Variants in GNL3L observed in about 807,000 individuals in gnomAD.
GNL3L encodes G protein nucleolar 3 like.
GNL3L carries 4 observed loss-of-function variants against 42.9 expected under a neutral mutation model. The observed-to-expected ratio is 0.09, with a 90% confidence interval of 0.05 to 0.21. The LOEUF (loss-of-function observed/expected upper bound fraction) is 0.21. Ranked by LOEUF, GNL3L falls within the 10% of genes least tolerant of loss-of-function variation. GNL3L has a pLI of 1.00. For synonymous variants in GNL3L, 159 were observed against 176.3 expected (o/e 0.90, Z 0.78); for missense variants, 412 against 481.7 (o/e 0.86, Z 1.36).
chrX:54,570,925 TTC>T (rs1314316931), downstream of GNL3L, among the ~76,000 whole-genome samples: 1 of 111,757 alleles, frequency 8.9e-6, no homozygotes, highest in Non-Finnish European at 1.9e-5. Flanking sequence ...ATTTCTGGTA[TTC>T]TTCATTGCTC....
intron 16 of GNL3L, among the ~76,000 whole-genome samples, chrX:54,610,447 T>C (rs185437003): frequency 1.0e-3 from 116 of 111,618 alleles, no homozygotes; most frequent in Non-Finnish European, 1.4e-3. Context: ...GAGGGAATGC[T>C]TTCAACTTTT....
the GNL3L span, among the ~76,000 whole-genome samples, chrX:54,630,155 G>A: frequency 7.4e-5 from 8 of 107,707 alleles, no homozygotes; most frequent in South Asian, 4.2e-4. Flanking sequence ...TTCTTTTCTC[G>A]GTGAATCTCA....
At chrX:54,625,964 G>A (rs1454151295), downstream of GNL3L, among the ~76,000 whole-genome samples, 1 of 111,075 alleles carries the variant, frequency 9.0e-6, no homozygotes, top group African/African-American at 3.3e-5. Context: ...TATGATACAT[G>A]TATACAATGT....
intron 16 of GNL3L, among the ~76,000 whole-genome samples, chrX:54,593,758 ACGGCTTTTGCTCTATCC>A (rs1356709336): frequency 9.0e-6 from 1 of 110,712 alleles, no homozygotes; most frequent in African/African-American, 3.3e-5. Flanking sequence ...CCCTCTTAGC[ACGGCTTTTGCTCTATCC>A]CAAAGGTTTT....
chrX:54,552,622 G>C (rs1181650328), intron 13 of GNL3L, among the ~76,000 whole-genome samples, 194 bp downstream of exon 13: 2 of 111,911 alleles, frequency 1.8e-5, no homozygotes, highest in Non-Finnish European at 1.9e-5. Flanking sequence ...GGGCGGGTTG[G>C]GGGAGGGTGG....
At chrX:54,578,945 T>A (rs1925669792) in intron 16 of GNL3L, among the ~76,000 whole-genome samples, 1 of 112,359 alleles carries the variant, frequency 8.9e-6, no homozygotes, top group Non-Finnish European at 1.9e-5. Context: ...CTTATTGTGG[T>A]TTGAATATGC....
At chrX:54,576,485 T>G (rs746997817) in intron 16 of GNL3L, among the ~76,000 whole-genome samples, 1 of 111,474 alleles carries the variant, frequency 9.0e-6, no homozygotes, top group Non-Finnish European at 1.9e-5. Context: ...ATTTATATTT[T>G]ATTTTATTTT....
intron 16 of GNL3L, among the ~76,000 whole-genome samples, chrX:54,578,186 A>G (rs1182131369): frequency 8.9e-6 from 1 of 112,089 alleles, no homozygotes; most frequent in African/African-American, 3.2e-5. Context: ...CCATTTTGGC[A>G]TTTATCATTT....
chrX:54,552,967 C>CGATT (rs1924991106), intron 13 of GNL3L, among the ~76,000 whole-genome samples: 1 of 112,190 alleles, frequency 8.9e-6, no homozygotes, highest in Non-Finnish European at 1.9e-5. Context: ...TATAGACTGC[C>CGATT]TGGATTCAAA....
downstream of GNL3L, among the ~76,000 whole-genome samples, chrX:54,569,115 A>G (rs1925508643): frequency 8.9e-6 from 1 of 112,283 alleles, no homozygotes; most frequent in Non-Finnish European, 1.9e-5. Flanking sequence ...TATTCAGCCT[A>G]CTGCAGATGT....
chrX:54,634,478 T>G, the GNL3L span, among the ~76,000 whole-genome samples: 939 of 110,453 alleles, frequency 8.5e-3, 9 homozygotes, highest in African/African-American at 0.03. Context: ...ATTTGTATTT[T>G]TTTTTGTTTT....
intron 16 of GNL3L, among the ~76,000 whole-genome samples, chrX:54,575,305 C>T (rs929096872): frequency 8.9e-6 from 1 of 112,271 alleles, no homozygotes; most frequent in African/African-American, 3.2e-5. Context: ...TTCTTTTGTC[C>T]ATGGATTACA....
the GNL3L span, among the ~76,000 whole-genome samples, chrX:54,639,932 G>A: frequency 9.2e-6 from 1 of 109,043 alleles, no homozygotes; most frequent in Non-Finnish European, 1.9e-5. Context: ...GGAGAGGGAG[G>A]AGTCTTGGAC....
At chrX:54,623,888 A>T (rs1468342624), downstream of GNL3L, among the ~76,000 whole-genome samples, 1 of 108,001 alleles carries the variant, frequency 9.3e-6, no homozygotes, top group Non-Finnish European at 1.9e-5. Context: ...ATTTGTTTAT[A>T]TACTCTTGTA....
rs986517727 is a variant in GNL3L, at chrX:54,548,811, G to T, written c.775+438G>T. 6.3e-5 allele frequency among the ~76,000 whole-genome samples: 7 copies of T among 111,291 alleles called. No homozygotes were observed. The Admixed American group carries it at 6.7e-4, about 11-fold the overall frequency. ...AGGGAAATTGAGAGAGGCAGAGATA[G>T]ATCACCAGAGAAAGAATGTGAAGCC... On this transcript the variant is annotated intron_variant, in intron 9 of 15. Transcript: ENST00000360845.
chrX:54,580,650 C>G (rs1925703028), intron 16 of GNL3L, among the ~76,000 whole-genome samples: 1 of 111,995 alleles, frequency 8.9e-6, no homozygotes, highest in Non-Finnish European at 1.9e-5. Flanking sequence ...TCCACATCCT[C>G]TCCAGCACCT....
At chrX:54,533,888 T>A (rs1384027147) in intron 2 of GNL3L, among the ~76,000 whole-genome samples, 1 of 110,424 alleles carries the variant, frequency 9.1e-6, no homozygotes, top group Admixed American at 9.7e-5. Context: ...TTAAATAAAG[T>A]AGGATATATG....
At chrX:54,537,002 G>A (rs1037252084) in intron 2 of GNL3L, among the ~76,000 whole-genome samples, 17 of 107,682 alleles carry the variant, frequency 1.6e-4, no homozygotes, top group Non-Finnish European at 2.7e-4. Context: ...GATATGTCCA[G>A]GGTATGTCTT....
rs1188046992 is a variant in GNL3L at position 54,595,702 on chromosome X, G to T, written c.*46-25143G>T. Among the ~76,000 whole-genome samples, 3 of 111,307 alleles carry T rather than the reference G, an allele frequency of 2.7e-5. No individual in the cohort carries two copies. In the Admixed American group the frequency reaches 2.9e-4, roughly 11 times the overall value. On this transcript the variant is annotated intron_variant, in intron 16 of 16. Transcript: ENST00000674498. ...CTTTTGAGGTTATTTTCTAGATCCC[G>T]TAGGTGGGCTTCATTGTTTTTTATT...
Sources: allele counts gnomAD v4.1 joint callset (sites outside exome capture counted in the v4.1 genomes callset), GRCh38; gene constraint gnomAD v4.1.1; transcripts MANE v1.5; gene names NCBI Gene and HGNC (gene_info 2026-07-23, HGNC 2026-07-21).